The following SLC26A4 variants were observed in gnomAD, a reference collection of about 807,000 sequenced individuals.
SLC26A4 encodes solute carrier family 26 member 4, also known as pendrin.
In SLC26A4, 93 loss-of-function variants were observed where a neutral mutation model predicts 90.4. That is an observed-to-expected ratio of 1.03 (90% CI 0.87 to 1.22). The LOEUF is 1.22. Among genes scored for constraint, SLC26A4 ranks in the 50% most tolerant of loss-of-function variants. The pLI, the probability that SLC26A4 is intolerant of heterozygous loss-of-function variation, is 0.00. For synonymous variants in SLC26A4, 393 were observed against 354.6 expected, an observed-to-expected ratio of 1.11 and a Z score of -1.22; for missense variants, 1,127 against 946.2, an observed-to-expected ratio of 1.19 and a Z score of -2.51.
chr7:107,692,838 T>C (rs1791612064), intron 10 of SLC26A4: 1 of 152,170 alleles, frequency 6.6e-6, no homozygotes. Context: ...ACAAGCCTTA[T>C]CAAGTAAGTA....
chr7:107,708,334 TA>T (rs1792084553), intron 18 of SLC26A4, among the ~76,000 whole-genome samples: 1 of 152,240 alleles, frequency 6.6e-6, no homozygotes, highest in Non-Finnish European at 1.5e-5. Flanking sequence ...GACAAAGATT[TA>T]CTTTTCTTTT....
chr7:107,674,732 G>T (rs1427608673), intron 5 of SLC26A4, among the ~76,000 whole-genome samples: 1 of 152,122 alleles, frequency 6.6e-6, no homozygotes, highest in Non-Finnish European at 1.5e-5. Flanking sequence ...AATACTTCAA[G>T]GTTTTTATTA....
At chr7:107,664,590 C>A (rs987499459) in intron 3 of SLC26A4, among the ~76,000 whole-genome samples, 2 of 152,182 alleles carry the variant, frequency 1.3e-5, no homozygotes, top group African/African-American at 4.8e-5. Context: ...GTGAAGGGAG[C>A]TTCCTAGCCT....
chr7:107,708,683 G>A (rs761768404), intron 18 of SLC26A4, among the ~76,000 whole-genome samples: 1 of 151,650 alleles, frequency 6.6e-6, no homozygotes, highest in African/African-American at 2.4e-5. Flanking sequence ...GTGAGACCCC[G>A]TCTCTATTAT....
chr7:107,696,248 G>A (rs149781717), intron 13 of SLC26A4, among the ~76,000 whole-genome samples: 8 of 152,302 alleles, frequency 5.3e-5, no homozygotes, highest in Middle Eastern at 6.8e-3. Context: ...TCATTCTACA[G>A]GTGAGAAAAG....
chr7:107,712,407 C>A (rs1792215635), intron 19 of SLC26A4, 132 bp from the exon 20 acceptor site: 2 of 654,138 alleles, frequency 3.1e-6, no homozygotes, highest in South Asian at 1.7e-5. Context: ...TATAAAAGAA[C>A]AATACAGCTG....
chr7:107,693,616 T>C (rs1791641875), intron 10 of SLC26A4: 1 of 985,572 alleles, frequency 1.0e-6, no homozygotes, highest in Non-Finnish European at 1.2e-6. Flanking sequence ...GGTCATCTAA[T>C]CAAACGAGAG....
At position 107,698,106 on chromosome 7, in the gene SLC26A4, A is replaced by C. The variant is rs1791790124; in HGVS notation, c.1609A>C (p.Lys537Gln). Residue 537 changes from lysine (K) to glutamine (Q), a missense_variant, in exon 14 of 21, where the codon AAA (lysine) becomes CAA (glutamine). Transcript: ENST00000644269. The stretch of plus-strand genomic sequence containing the variant: ...TATCTACAAAAGTACCAAGAATTAC[A>C]AAAACGTAAGTACCTTTGTGAGACA... ...TDIYKSTKNY[K>Q]NIEEPQGVKI... 6.2e-7 allele frequency: 1 copy of C among 1,601,564 alleles called. No homozygotes were observed. Among genetic ancestry groups the C allele is most frequent in the Non-Finnish European group, 8.6e-7 (1 of 1,168,750 alleles).
At position 107,674,348 on chromosome 7, in the gene SLC26A4, G is replaced by A; in HGVS notation, c.600G>A (p.Gln200=). ...SALTLLVGII[Q]LIFGGLQIGF... ...TGACTCTGCTGGTTGGAATTATACA[G>A]GTAATGAACTTACAAGTAAAATATA... is the stretch of plus-strand genomic sequence containing the variant. Residue 200 remains glutamine (Q), a splice_region_variant and synonymous_variant, in exon 5 of 21, where the codon CAG becomes CAA. Coordinates refer to ENST00000644269, the MANE Select transcript of SLC26A4 (RefSeq NM_000441.2). 2 of 1,604,748 alleles carry A rather than the reference G, an allele frequency of 1.2e-6. No homozygotes were observed. The highest frequency in any genetic ancestry group is 1.7e-6 in the Non-Finnish European group (2 of 1,171,632).
intron 3 of SLC26A4, among the ~76,000 whole-genome samples, chr7:107,667,768 GA>G (rs1286118661): frequency 2.0e-5 from 3 of 152,096 alleles, no homozygotes; most frequent in African/African-American, 7.2e-5. Flanking sequence ...TTTGAGAATG[GA>G]ACTAGGAGAA....
intron 3 of SLC26A4, among the ~76,000 whole-genome samples, chr7:107,665,141 G>GGCTA (rs1362568490): frequency 6.6e-6 from 1 of 152,172 alleles, no homozygotes; most frequent in African/African-American, 2.4e-5. Flanking sequence ...TTTCCCTGAT[G>GGCTA]GCTAAGTCTG....
At chr7:107,698,161 G>A (rs1791792497) in intron 14 of SLC26A4, 50 bp downstream of exon 14, 7 of 1,180,590 alleles carry the variant, frequency 5.9e-6, no homozygotes, top group African/African-American at 3.0e-5. Flanking sequence ...CTAGCCTGAA[G>A]TTTCAGCAGC....
rs1442822753 is a variant in SLC26A4, at chr7:107,710,194, G to A, written c.2230G>A (p.Glu744Lys). 6.3e-7 allele frequency: 1 copy of A among 1,597,964 alleles called. No individual in the cohort carries two copies. Reference sequence around the variant, plus strand: ...TCAAGAGGGTCAAGGTTCCATTTTAGAAACGGTAAATATTCAACCTTTCTA... The same window carrying A: ...TCAAGAGGGTCAAGGTTCCATTTTAAAAACGGTAAATATTCAACCTTTCTA... ...KSQEGQGSIL[E>K]TITLIQDCKD... The change falls in exon 19 of 21, where the codon GAA becomes AAA. Residue 744 changes from glutamate (E) to lysine (K), a missense_variant. By Grantham distance (56) the Glu-to-Lys change is moderately conservative. Coordinates refer to ENST00000644269, the MANE Select transcript of SLC26A4 (RefSeq NM_000441.2).
In SLC26A4 at chr7:107,701,038, CA is replaced by C. The variant is rs1791870704; in HGVS notation, c.1708-62del. 3.2e-6 allele frequency: 3 copies of C among 949,324 alleles called. No homozygotes were observed. The Admixed American group carries it at 5.1e-5, about 16-fold the overall frequency. 58.8% of individuals were successfully genotyped at this position (949,324 alleles called of 1,614,324 possible). A position where few individuals can be genotyped will look rare whatever the true frequency, so the allele number is the denominator to read the frequency against. On this transcript the variant is annotated intron_variant, in intron 15 of 20. Coordinates refer to ENST00000644269, the MANE Select transcript of SLC26A4 (RefSeq NM_000441.2). ...TTTGAGAAATAGCCTTTCCAGATAA[CA>C]GTTGCCATTAATAAGCTTTAGGTGC...
At chr7:107,694,568 C>A in intron 11 of SLC26A4, 53 bp from the exon 12 acceptor site, 1 of 1,538,316 alleles carries the variant, frequency 6.5e-7, no homozygotes, top group Non-Finnish European at 9.0e-7. Context: ...TAACAATCAT[C>A]ACATGGAAAA....
intron 3 of SLC26A4, among the ~76,000 whole-genome samples, 194 bp from the exon 4 acceptor site, chr7:107,671,944 A>C (rs1377895786): frequency 6.6e-6 from 1 of 152,228 alleles, no homozygotes; most frequent in Non-Finnish European, 1.5e-5. Flanking sequence ...TATCTCATGT[A>C]GTTTACTGAA....
chr7:107,689,282 C>A, intron 9 of SLC26A4, 82 bp downstream of exon 9: 1 of 1,446,872 alleles, frequency 6.9e-7, no homozygotes. Context: ...TTGGTGTCAG[C>A]TAAAGAAGGG....
At position 107,717,357 on chromosome 7, in the gene SLC26A4, C is replaced by G. The variant is rs1448376973; in HGVS notation, c.*1911C>G. The G allele has an allele frequency of 3.9e-5, 4 of 102,638 alleles. No individual in the cohort carries two copies. The highest frequency in any genetic ancestry group is 7.1e-5 in the Non-Finnish European group (4 of 56,630). The allele number at this position is 102,638 out of a possible 1,614,324, so 6.4% of individuals were successfully genotyped here. On this transcript the variant is annotated 3_prime_UTR_variant, in exon 21 of 21. Coordinates refer to ENST00000644269, the MANE Select transcript of SLC26A4 (RefSeq NM_000441.2). ...CTCCAGCCTGGGCGACAGAGCAAGACTCCGTCTCAAAAAAAAAAAAAAAAA... is the reference window on the plus strand; with the variant it reads ...CTCCAGCCTGGGCGACAGAGCAAGAGTCCGTCTCAAAAAAAAAAAAAAAAA...
chr7:107,701,011 C>A, intron 15 of SLC26A4, 90 bp from the exon 16 acceptor site: 1 of 819,920 alleles, frequency 1.2e-6, no homozygotes, highest in Non-Finnish European at 2.2e-6. Context: ...GGAATTATAC[C>A]CTTTGAGAAA....
Sources: allele counts gnomAD v4.1 joint callset (sites outside exome capture counted in the v4.1 genomes callset), GRCh38; gene constraint gnomAD v4.1.1; transcripts MANE v1.5; gene names NCBI Gene and HGNC (gene_info 2026-07-23, HGNC 2026-07-21).